Variants in POGZ observed in about 807,000 individuals in gnomAD.
The protein encoded by POGZ is pogo transposable element derived with ZNF domain.
A neutral mutation model predicts 134.6 loss-of-function variants in POGZ; 17 were observed. That is an observed-to-expected ratio of 0.13 (90% CI 0.09 to 0.19). The LOEUF (loss-of-function observed/expected upper bound fraction) is 0.19. Ranked by LOEUF, POGZ falls within the 10% of genes least tolerant of loss-of-function variation. The pLI, the probability that POGZ is intolerant of heterozygous loss-of-function variation, is 1.00. For synonymous variants in POGZ, 693 were observed against 657.1 expected (o/e 1.05, Z -0.84); for missense variants, 1,306 against 1,769.7 (o/e 0.74, Z 4.70).
chr1:151,415,194 T>C (rs1655409303), intron 10 of POGZ, among the ~76,000 whole-genome samples: 1 of 152,170 alleles, frequency 6.6e-6, no homozygotes, highest in East Asian at 1.9e-4. Context: ...AGGCTCCGAC[T>C]CCTAAACATG....
chr1:151,457,733 C>A (rs1445707922), intron 1 of POGZ, among the ~76,000 whole-genome samples: 1 of 152,146 alleles, frequency 6.6e-6, no homozygotes, highest in Non-Finnish European at 1.5e-5. Flanking sequence ...TCAAGACCAG[C>A]CTGGCCAACA....
At position 151,408,182 on chromosome 1, in the gene POGZ, T is replaced by A; in HGVS notation, c.2293A>T (p.Asn765Tyr). The change falls in exon 15 of 19, where the codon AAT becomes TAT. Residue 765 changes from asparagine (N) to tyrosine (Y), a missense_variant. Transcript: ENST00000271715. ...CAGTGTACGTAAGTAGGGAAATGAT[T>A]AGGGAAGTCTGGGATCTCGAAGCTG... is the stretch of plus-strand genomic sequence containing the variant. ...ECSFEIPDFP[N>Y]HFPTYVHCSL... 6.2e-7 allele frequency: 1 copy of A among 1,612,718 alleles called. No individual in the cohort carries two copies. Among genetic ancestry groups the A allele is most frequent in the South Asian group, 1.1e-5 (1 of 90,996 alleles).
intron 1 of POGZ, among the ~76,000 whole-genome samples, chr1:151,456,986 G>A (rs1662849426): frequency 6.6e-6 from 1 of 152,174 alleles, no homozygotes; most frequent in Non-Finnish European, 1.5e-5. Context: ...GTTTTACCCA[G>A]CCTTGCTTTT....
intron 1 of POGZ, among the ~76,000 whole-genome samples, 163 bp downstream of exon 1, chr1:151,458,989 G>A (rs1280516244): frequency 6.9e-6 from 1 of 144,054 alleles, no homozygotes; most frequent in Non-Finnish European, 1.5e-5. Context: ...CGCCACTCGC[G>A]GTGGGCGGGG....
Position 151,440,958 on chromosome 1 carries a change from T to G in POGZ, c.253A>C (p.Thr85Pro), listed in dbSNP as rs752956743. The G allele has an allele frequency of 1.9e-6, 3 of 1,612,956 alleles. No homozygotes were observed. The highest frequency in any genetic ancestry group is 2.5e-6 in the Non-Finnish European group (3 of 1,179,432). ...TTGTTGGCAATTAGTGTGACAAGAG[T>G]CTTCTTTGTACTGTCGCTGTTCTGT... The part of the protein sequence containing the change: ...GAQNSDSTKK[T>P]LVTLIANNNA... Residue 85 changes from threonine to proline, a missense_variant, in exon 3 of 19, where the codon ACT becomes CCT. Physicochemically the swap from Thr to Pro is conservative, Grantham distance 38. Coordinates refer to ENST00000271715, the MANE Select transcript of POGZ (RefSeq NM_015100.4).
rs1653016392 is a variant in POGZ, at chr1:151,403,186, T to C, written c.*1616A>G. On this transcript the variant is annotated 3_prime_UTR_variant, in exon 19 of 19. Coordinates refer to ENST00000271715, the MANE Select transcript of POGZ (RefSeq NM_015100.4). ...GGGACTTTTCCAGTTCACTATATTATAGTGTGCTGGGGGATGAAAAAACAA... is the reference window on the plus strand; with the variant it reads ...GGGACTTTTCCAGTTCACTATATTACAGTGTGCTGGGGGATGAAAAAACAA... 5 of 983,462 alleles carry C rather than the reference T, an allele frequency of 5.1e-6. No homozygotes were observed. The highest frequency in any genetic ancestry group is 4.7e-5 in the South Asian group (1 of 21,236). The allele number at this position is 983,462 out of a possible 1,614,324, so 60.9% of individuals were successfully genotyped here.
At chr1:151,412,606 T>TC (rs1322677006) in intron 10 of POGZ, among the ~76,000 whole-genome samples, 1 of 152,230 alleles carries the variant, frequency 6.6e-6, no homozygotes, top group Admixed American at 6.5e-5. Context: ...TACCAAAGCT[T>TC]CATTCTAGAT....
intron 3 of POGZ, among the ~76,000 whole-genome samples, chr1:151,437,813 A>G (rs1241051666): frequency 1.3e-5 from 2 of 152,254 alleles, no homozygotes; most frequent in African/African-American, 4.8e-5. Context: ...TAATATATCA[A>G]TACAATTAAA....
At position 151,406,233 on chromosome 1, in the gene POGZ, T is replaced by C; in HGVS notation, c.2802A>G (p.Thr934=). The C allele has an allele frequency of 6.2e-7, 1 of 1,614,158 alleles. No homozygotes were observed. ...PQALALPPLA[T]EGAECLNVDD... The stretch of plus-strand genomic sequence containing the variant: ...CAACATTCAGACATTCGGCTCCCTC[T>C]GTAGCCAGCGGTGGAAGGGCTAAAG... The change falls in exon 19 of 19, where the codon ACA becomes ACG. Residue 934 remains threonine (T), a synonymous_variant. Transcript: ENST00000271715.
rs1571294 is a variant in POGZ, at chr1:151,404,931, A to T, written c.4104T>A (p.Thr1368=). 67 of 1,614,080 alleles carry T rather than the reference A, an allele frequency of 4.2e-5. No homozygotes were observed. In the Admixed American group the frequency reaches 1.0e-3, roughly 25 times the overall value. Residue 1368 remains threonine (T), a synonymous_variant, in exon 19 of 19, where the codon ACT becomes ACA. Transcript: ENST00000271715. The part of the protein sequence containing the change: ...KLSGEHSESS[T]PRPRSSPEET... ...CTTCAGGAGATGATCTGGGTCGTGG[A>T]GTGGAAGACTCAGAATGTTCCCCAC... is the stretch of plus-strand genomic sequence containing the variant.
At position 151,427,875 on chromosome 1, in the gene POGZ, G is replaced by C. The variant is rs1200461412; in HGVS notation, c.1026C>G (p.Asn342Lys). 6.2e-7 allele frequency: 1 copy of C among 1,614,126 alleles called. No individual in the cohort carries two copies. Among genetic ancestry groups the C allele is most frequent in the South Asian group, 1.1e-5 (1 of 91,080 alleles). The change falls in exon 7 of 19, where the codon AAC becomes AAG. Residue 342 changes from asparagine (N) to lysine (K), a missense_variant. By Grantham distance (94) the Asn-to-Lys change is moderately conservative (BLOSUM62 0). Around this residue, in one of 10 missense-constraint regions of POGZ, gnomAD observed 541 missense variants for 680.5 expected, o/e 0.80. Transcript: ENST00000271715. The part of the protein sequence containing the change: ...QSPGPVVVSN[N>K]SSAHGSQRTS... ...TTCTTTGAGAGCCATGAGCAGAGCT[G>C]TTGTTGGACACCACCACTGGCCCAG...
chr1:151,419,475 C>T (rs370929011), intron 10 of POGZ, among the ~76,000 whole-genome samples: 16 of 151,608 alleles, frequency 1.1e-4, no homozygotes, highest in African/African-American at 3.9e-4. Context: ...TGGCAAAACC[C>T]TATCTCTACA....
Position 151,404,771 on chromosome 1 carries a change from CT to C in POGZ, c.*30del. 1 of 1,559,520 alleles carries C rather than the reference CT, an allele frequency of 6.4e-7. No individual in the cohort carries two copies. The highest frequency in any genetic ancestry group is 8.7e-7 in the Non-Finnish European group (1 of 1,151,716). ...TTACCCTCCCTCACATGTTCCCACC[CT>C]CACTCCACACCCCCTCATGACCCCA... is the stretch of plus-strand genomic sequence containing the variant. On this transcript the variant is annotated 3_prime_UTR_variant, in exon 19 of 19. Transcript: ENST00000271715.
chr1:151,434,647 A>G (rs966636315), intron 3 of POGZ, among the ~76,000 whole-genome samples: 1 of 152,008 alleles, frequency 6.6e-6, no homozygotes, highest in Admixed American at 6.6e-5. Context: ...CAATGGTGCA[A>G]TCTTGGCTCA....
chr1:151,425,203 GTTTT>G (rs1398618157), intron 7 of POGZ, 142 bp from the exon 8 acceptor site: 6 of 553,812 alleles, frequency 1.1e-5, no homozygotes, highest in South Asian at 5.9e-5. Context: ...GTTTTTGTTT[GTTTT>G]TGTTTTTTTT....
chr1:151,442,248 G>A, intron 1 of POGZ, 43 bp from the exon 2 acceptor site: 1 of 1,578,816 alleles, frequency 6.3e-7, no homozygotes, highest in Non-Finnish European at 8.6e-7. Flanking sequence ...CTAAGAATAG[G>A]AGATATTGCT....
In POGZ at chr1:151,406,023, G is replaced by A. The variant is rs1653523827; in HGVS notation, c.3012C>T (p.Arg1004=). ...EHFRNPQRRI[R]RWLRRFQASQ... is the part of the protein sequence containing the mutation. The stretch of plus-strand genomic sequence containing the variant: ...AGGCCTGGAAACGTCGAAGCCAACG[G>A]CGAATACGTCGCTGGGGATTTCGGA... The change falls in exon 19 of 19, where the codon CGC becomes CGT. Residue 1004 remains arginine, a synonymous_variant. Transcript: ENST00000271715. 6.2e-7 allele frequency: 1 copy of A among 1,614,202 alleles called. No individual in the cohort carries two copies. The highest frequency in any genetic ancestry group is 2.2e-5 in the East Asian group (1 of 44,892).
chr1:151,417,304 C>G (rs551047016), intron 10 of POGZ, among the ~76,000 whole-genome samples: 1 of 151,820 alleles, frequency 6.6e-6, no homozygotes, highest in East Asian at 1.9e-4. Context: ...CCTCGTGATC[C>G]ACCCGCCTCG....
intron 1 of POGZ, among the ~76,000 whole-genome samples, chr1:151,445,543 A>G (rs1661148580): frequency 6.6e-6 from 1 of 151,726 alleles, no homozygotes; most frequent in South Asian, 2.1e-4. Flanking sequence ...AAAAAAGAAA[A>G]AAAGAAAGAG....
Sources: allele counts gnomAD v4.1 joint callset (sites outside exome capture counted in the v4.1 genomes callset), GRCh38; gene constraint gnomAD v4.1.1; regional missense constraint gnomAD v4.1.1; transcripts MANE v1.5; gene names NCBI Gene and HGNC (gene_info 2026-07-23, HGNC 2026-07-21).